Variants in NAALADL2 observed in about 807,000 individuals in gnomAD.
NAALADL2 encodes the protein N-acetylated alpha-linked acidic dipeptidase like 2.
Under a neutral mutation model 87.2 loss-of-function variants are expected in NAALADL2, and 76 were observed. The ratio of observed to expected loss-of-function variants is 0.87; its 90% CI spans 0.72 to 1.05. The LOEUF is 1.05. NAALADL2 is among the 50% of genes least tolerant of loss of function. The pLI is 0.00. For synonymous variants in NAALADL2, 354 were observed against 331.0 expected (o/e 1.07, Z -0.75); for missense variants, 1,089 against 945.8 (o/e 1.15, Z -1.99).
intron 11 of NAALADL2, among the ~76,000 whole-genome samples, chr3:175,681,765 T>C (rs758486602): frequency 1.3e-5 from 2 of 152,158 alleles, no homozygotes; most frequent in Non-Finnish European, 2.9e-5. Context: ...TAAATAAATG[T>C]CTGAAAAATG....
At chr3:175,351,071 G>T (rs187653404) in intron 5 of NAALADL2, among the ~76,000 whole-genome samples, 2 of 152,150 alleles carry the variant, frequency 1.3e-5, no homozygotes, top group Admixed American at 1.3e-4. Flanking sequence ...ACTTTAATAT[G>T]TTCAGTAAAT....
intron 2 of NAALADL2, among the ~76,000 whole-genome samples, chr3:174,595,497 AG>A (rs1717799183): frequency 6.6e-6 from 1 of 152,150 alleles, no homozygotes; most frequent in South Asian, 2.1e-4. Context: ...ATGCAACTTG[AG>A]GGGAGAAAAG....
intron 5 of NAALADL2, among the ~76,000 whole-genome samples, chr3:175,357,489 T>C (rs1389403139): frequency 1.3e-5 from 2 of 152,194 alleles, no homozygotes; most frequent in African/African-American, 2.4e-5. Context: ...TGTCTTCTTA[T>C]CTGTAAGAAA....
At chr3:175,231,453 T>G (rs545944535) in intron 2 of NAALADL2, among the ~76,000 whole-genome samples, 1 of 152,248 alleles carries the variant, frequency 6.6e-6, no homozygotes, top group South Asian at 2.1e-4. Flanking sequence ...ATTTTTTCAC[T>G]CATTAATTTT....
intron 4 of NAALADL2, among the ~76,000 whole-genome samples, chr3:175,318,621 TACAA>T (rs1759459337): frequency 6.6e-6 from 1 of 152,356 alleles, no homozygotes; most frequent in Admixed American, 6.5e-5. Context: ...TTCATTTATT[TACAA>T]ACAGATATTT....
At chr3:174,735,815 C>T (rs1044719312) in intron 2 of NAALADL2, among the ~76,000 whole-genome samples, 1 of 152,206 alleles carries the variant, frequency 6.6e-6, no homozygotes, top group African/African-American at 2.4e-5. Flanking sequence ...CTCTGGCCAG[C>T]AGCGCCTTTG....
At chr3:174,642,396 G>A (rs1397037412) in intron 2 of NAALADL2, among the ~76,000 whole-genome samples, 1 of 151,596 alleles carries the variant, frequency 6.6e-6, no homozygotes, top group Non-Finnish European at 1.5e-5. Flanking sequence ...AGCTACTCGC[G>A]AGGCTGAGGC....
At position 175,467,131 on chromosome 3, in the gene NAALADL2, T is replaced by C; in HGVS notation, c.1480T>C (p.Cys494Arg). The C allele has an allele frequency of 1.9e-6, 3 of 1,613,942 alleles. No individual in the cohort carries two copies. The highest frequency in any genetic ancestry group is 2.2e-5 in the South Asian group (2 of 91,078). Residue 494 changes from cysteine (C) to arginine (R), a missense_variant, in exon 8 of 14, where the codon TGT becomes CGT. By Grantham distance (180) the Cys-to-Arg change is radical. Transcript: ENST00000454872. Reference sequence around the variant, plus strand: ...GAGACCAGACCGAACTATTGTTTTCTGTTCTTGGGGAGGAACAGCTTTTGG... The same window carrying C: ...GAGACCAGACCGAACTATTGTTTTCCGTTCTTGGGGAGGAACAGCTTTTGG... ...GWRPDRTIVF[C>R]SWGGTAFGNI...
chr3:174,742,892 G>GT (rs1260597289), intron 3 of NAALADL2, among the ~76,000 whole-genome samples: 7 of 151,012 alleles, frequency 4.6e-5, no homozygotes, highest in South Asian at 2.1e-4. Flanking sequence ...ACAATGATGT[G>GT]TTTTTTTTGT....
intron 4 of NAALADL2, among the ~76,000 whole-genome samples, chr3:175,283,293 C>A (rs913264541): frequency 6.6e-6 from 1 of 152,084 alleles, no homozygotes; most frequent in Non-Finnish European, 1.5e-5. Context: ...GATCTCAAAT[C>A]AAATGTGATT....
intron 3 of NAALADL2, among the ~76,000 whole-genome samples, chr3:174,797,738 A>T (rs1390489001): frequency 6.6e-6 from 1 of 152,170 alleles, no homozygotes; most frequent in African/African-American, 2.4e-5. Flanking sequence ...GCCTCCAGAA[A>T]TGAGAGAATT....
At chr3:174,768,674 T>G (rs1216209416) in intron 3 of NAALADL2, among the ~76,000 whole-genome samples, 1 of 152,180 alleles carries the variant, frequency 6.6e-6, no homozygotes, top group Non-Finnish European at 1.5e-5. Context: ...AAAATATGGT[T>G]AAAAGTTTGA....
rs181040085 is a variant in NAALADL2 at position 174,783,627 on chromosome 3, A to T, written c.-9+45881A>T. On this transcript the variant is annotated intron_variant, in intron 3 of 3. Transcript: ENST00000434257. ...CTCCACAAGGCTTTAATATATATATATTTTTATTTTGAATACCTGAGTGAG... is the reference window on the plus strand; with the variant it reads ...CTCCACAAGGCTTTAATATATATATTTTTTTATTTTGAATACCTGAGTGAG... 2.7e-3 allele frequency among the ~76,000 whole-genome samples: 412 copies of T among 152,070 alleles called. 1 individual carries two copies. The highest frequency in any genetic ancestry group is 9.1e-3 in the African/African-American group (376 of 41,500).
intron 11 of NAALADL2, among the ~76,000 whole-genome samples, chr3:175,697,896 T>C (rs866913537): frequency 1.2e-5 from 1 of 83,988 alleles, no homozygotes; most frequent in Non-Finnish European, 2.2e-5. Context: ...TATATATGTA[T>C]GTATACATAT....
At chr3:174,660,107 G>A (rs1448482774) in intron 2 of NAALADL2, among the ~76,000 whole-genome samples, 2 of 152,066 alleles carry the variant, frequency 1.3e-5, no homozygotes, top group Admixed American at 1.3e-4. Context: ...AATTTAATAT[G>A]TAGCTACTGT....
At chr3:175,651,100 T>C (rs1446679177) in intron 11 of NAALADL2, among the ~76,000 whole-genome samples, 1 of 152,194 alleles carries the variant, frequency 6.6e-6, no homozygotes. Context: ...GTGTTTTCTT[T>C]TTTAATCCCT....
At chr3:175,738,310 C>A (rs930506897) in intron 12 of NAALADL2, among the ~76,000 whole-genome samples, 18 of 151,472 alleles carry the variant, frequency 1.2e-4, no homozygotes, top group African/African-American at 4.4e-4. Flanking sequence ...TGCAGTGGTG[C>A]GATCTCAGCT....
At chr3:174,903,168 T>C (rs1419666692) in intron 1 of NAALADL2, among the ~76,000 whole-genome samples, 3 of 152,060 alleles carry the variant, frequency 2.0e-5, no homozygotes, top group Admixed American at 6.6e-5. Flanking sequence ...ACCAGACTTA[T>C]GGTAAAACTG....
intron 13 of NAALADL2, among the ~76,000 whole-genome samples, chr3:175,789,206 TAATA>T (rs1453867531): frequency 1.3e-5 from 2 of 152,224 alleles, no homozygotes; most frequent in African/African-American, 4.8e-5. Context: ...AGTAGGTGCC[TAATA>T]AATACTTGAT....
Sources: allele counts gnomAD v4.1 joint callset (sites outside exome capture counted in the v4.1 genomes callset), GRCh38; gene constraint gnomAD v4.1.1; transcripts MANE v1.5; gene names NCBI Gene and HGNC (gene_info 2026-07-23, HGNC 2026-07-21).